The following STAR variants were observed in gnomAD, a reference collection of about 807,000 sequenced individuals.
The protein encoded by STAR is steroidogenic acute regulatory protein, mitochondrial.
A neutral mutation model predicts 32.3 loss-of-function variants in STAR; 32 were observed. That is an observed-to-expected ratio of 0.99 (90% CI 0.75 to 1.33). The LOEUF is 1.33. STAR is among the 40% of genes most tolerant of loss of function. The pLI is 0.00. For synonymous variants in STAR, 134 were observed against 140.5 expected (o/e 0.95, Z 0.33); for missense variants, 375 against 379.0 (o/e 0.99, Z 0.09).
rs1563266621 is a variant in STAR at position 38,142,720 on chromosome 8, G to A, written c.*1553C>T. ...ATTTTGTATTTTTAGTAGAGATGGG[G>A]TTTCTCCATGTTAGTCAGGCTGGTC... On this transcript the variant is annotated 3_prime_UTR_variant, in exon 7 of 7. Transcript: ENST00000276449. Among the ~76,000 whole-genome samples the A allele has an allele frequency of 6.6e-6, 1 of 151,850 alleles. No individual in the cohort carries two copies. Among genetic ancestry groups the A allele is most frequent in the Non-Finnish European group, 1.5e-5 (1 of 67,958 alleles).
chr8:38,148,807 A>G (rs1585627380), intron 1 of STAR, 53 bp from the exon 2 acceptor site: 2 of 1,304,280 alleles, frequency 1.5e-6, no homozygotes, highest in East Asian at 2.6e-5. Flanking sequence ...TTAGAGATGG[A>G]CCACTCCCAC....
At position 38,145,956 on chromosome 8, in the gene STAR, G is replaced by A. The variant is rs566068182; in HGVS notation, c.650+7C>T. On this transcript the variant is annotated splice_region_variant and intron_variant, in intron 5 of 6. Coordinates refer to ENST00000276449, the MANE Select transcript of STAR (RefSeq NM_000349.3). ...GAGGGGGGTTTGGAGCCTGCTGCCC[G>A]TATTACCTGATGACACCCTTCTGCT... is the stretch of plus-strand genomic sequence containing the variant. The A allele has an allele frequency of 4.1e-5, 66 of 1,613,322 alleles. No individual in the cohort carries two copies. Among genetic ancestry groups the A allele is most frequent in the South Asian group, 1.5e-4 (14 of 91,042 alleles).
rs1237961867 is a variant in STAR, at chr8:38,145,230, C to T, written c.736G>A (p.Asp246Asn). 4.3e-6 allele frequency: 7 copies of T among 1,614,090 alleles called. No individual in the cohort carries two copies. The highest frequency in any genetic ancestry group is 1.1e-5 in the South Asian group (1 of 91,074). ...CCTCCCATGCCCTTCACCTTGAGGTCGATGCTGAGTAGCCACGTAAGTTTG... is the reference window on the plus strand; with the variant it reads ...CCTCCCATGCCCTTCACCTTGAGGTTGATGCTGAGTAGCCACGTAAGTTTG... ...KTKLTWLLSI[D>N]LKGWLPKSII... is the part of the protein sequence containing the mutation. Residue 246 changes from aspartate (D) to asparagine (N), a missense_variant, in exon 6 of 7, where the codon GAC (aspartate) becomes AAC (asparagine). Coordinates refer to ENST00000276449, the MANE Select transcript of STAR (RefSeq NM_000349.3).
chr8:38,145,748 T>C, intron 5 of STAR: 2 of 639,902 alleles, frequency 3.1e-6, no homozygotes, highest in Admixed American at 2.9e-5. Flanking sequence ...TCTTAAACTT[T>C]CTGGGAGGGT....
intron 1 of STAR, among the ~76,000 whole-genome samples, chr8:38,150,021 G>A (rs1369763082): frequency 1.3e-5 from 2 of 151,896 alleles, no homozygotes; most frequent in African/African-American, 2.4e-5. Context: ...CCCAGGAGGC[G>A]GAGGTTGCAG....
chr8:38,145,883 G>T, intron 5 of STAR, 80 bp downstream of exon 5: 1 of 1,573,760 alleles, frequency 6.4e-7, no homozygotes, highest in Non-Finnish European at 8.7e-7. Flanking sequence ...TTGGAGCTGG[G>T]GATGCAGTCC....
At position 38,143,456 on chromosome 8, in the gene STAR, G is replaced by A. The variant is rs886062901; in HGVS notation, c.*817C>T. On this transcript the variant is annotated 3_prime_UTR_variant, in exon 7 of 7. Coordinates refer to ENST00000276449, the MANE Select transcript of STAR (RefSeq NM_000349.3). ...CAAGTAGCTACGACTACAGGTTTGC[G>A]CCACCACACCCAGCTAATTTTTTGT... 7.9e-5 allele frequency among the ~76,000 whole-genome samples: 12 copies of A among 152,010 alleles called. No individual in the cohort carries two copies. The highest frequency in any genetic ancestry group is 2.1e-4 in the South Asian group (1 of 4,822).
At chr8:38,144,487 G>C (rs1802527977) in intron 6 of STAR, 101 bp from the exon 7 acceptor site, 1 of 1,530,126 alleles carries the variant, frequency 6.5e-7, no homozygotes, top group African/African-American at 1.4e-5. Flanking sequence ...TGGTCTTCGA[G>C]CTCTGTTAAT....
Position 38,144,316 on chromosome 8 carries a change from C to T in STAR, c.815G>A (p.Arg272His), listed in dbSNP as rs540090187. The T allele has an allele frequency of 4.4e-5, 71 of 1,609,834 alleles. No homozygotes were observed. The highest frequency in any genetic ancestry group is 3.3e-5 in the South Asian group (3 of 90,016). Residue 272 changes from arginine (R) to histidine (H), a missense_variant, in exon 7 of 7, where the codon CGC becomes CAC. Transcript: ENST00000276449. ...QTQVDFANHL[R>H]KRLESHPASE... ...GGCAGGGTGGGACTCCAGGCGCTTGCGCAGGTGGTTGGCAAAATCCACCTG... is the reference window on the plus strand; with the variant it reads ...GGCAGGGTGGGACTCCAGGCGCTTGTGCAGGTGGTTGGCAAAATCCACCTG...
chr8:38,148,395 G>A, intron 2 of STAR, 68 bp from the exon 3 acceptor site: 1 of 1,603,580 alleles, frequency 6.2e-7, no homozygotes, highest in Non-Finnish European at 8.5e-7. Flanking sequence ...CTCATCCCTG[G>A]AGCTCTGGGT....
intron 5 of STAR, chr8:38,145,676 C>T (rs540642698): frequency 7.0e-6 from 4 of 568,172 alleles, no homozygotes; most frequent in East Asian, 6.1e-5. Flanking sequence ...TACATTACAG[C>T]TGTTCCTGAG....
chr8:38,144,971 T>TGTACTCCA (rs1173304692), intron 6 of STAR: 1 of 1,305,734 alleles, frequency 7.7e-7, no homozygotes, highest in Non-Finnish European at 9.8e-7. Flanking sequence ...ACCATGTCAT[T>TGTACTCCA]GTACTCCAGC....
intron 6 of STAR, 126 bp downstream of exon 6, chr8:38,145,096 C>T (rs1203976554): frequency 1.3e-6 from 2 of 1,542,466 alleles, no homozygotes; most frequent in Admixed American, 1.9e-5. Context: ...CCAGACCCTT[C>T]CCTGTCTTAC....
rs772404458 is a variant in STAR at position 38,150,811 on chromosome 8, A to G, written c.8T>C (p.Leu3Pro). 4 of 1,605,958 alleles carry G rather than the reference A, an allele frequency of 2.5e-6. No homozygotes were observed. In the African/African-American group the frequency reaches 4.0e-5, roughly 16 times the overall value. Residue 3 changes from leucine to proline, a missense_variant, in exon 1 of 7, where the codon CTA becomes CCA. Transcript: ENST00000276449. ML[L>P]ATFKLCAGSS... ...CCCAGCGCACAGCTTGAATGTCGCT[A>G]GCAGCATTGTTTCCTGGCAAATGTG...
chr8:38,148,119 C>G, intron 3 of STAR, 81 bp downstream of exon 3: 1 of 1,598,036 alleles, frequency 6.3e-7, no homozygotes, highest in Admixed American at 1.7e-5. Context: ...GACAGGAATT[C>G]TGGGAAAAAT....
intron 6 of STAR, chr8:38,144,664 G>A: frequency 1.6e-6 from 2 of 1,253,838 alleles, no homozygotes; most frequent in Admixed American, 6.8e-5. Flanking sequence ...TCAGATCTCT[G>A]GACCTAAGTT....
intron 1 of STAR, 55 bp from the exon 2 acceptor site, chr8:38,148,809 C>T (rs1802622317): frequency 6.1e-6 from 8 of 1,304,240 alleles, no homozygotes; most frequent in South Asian, 6.1e-5. Flanking sequence ...AGAGATGGAC[C>T]ACTCCCACCC....
At position 38,145,305 on chromosome 8, in the gene STAR, C is replaced by G; in HGVS notation, c.661G>C (p.Gly221Arg). The change falls in exon 6 of 7, where the codon GGT becomes CGT. Residue 221 changes from glycine to arginine, a missense_variant. Gly to Arg is a moderately radical substitution (Grantham distance 125). Coordinates refer to ENST00000276449, the MANE Select transcript of STAR (RefSeq NM_000349.3). ...EQKGVIRAEH[G>R]PTCMVLHPLA... ...GGGTGAAGCACCATGCAAGTGGGAC[C>G]GTGCTCCGCCCTGGCAAATGGAGAA... is the stretch of plus-strand genomic sequence containing the variant. 1 of 1,614,114 alleles carries G rather than the reference C, an allele frequency of 6.2e-7. No individual in the cohort carries two copies. The highest frequency in any genetic ancestry group is 8.5e-7 in the Non-Finnish European group (1 of 1,180,028).
rs758031518 is a variant in STAR, at chr8:38,145,228, G to T, written c.738C>A (p.Asp246Glu). Residue 246 changes from aspartate to glutamate, a missense_variant, in exon 6 of 7, where the codon GAC (aspartate) becomes GAA (glutamate). Asp to Glu is a conservative substitution (Grantham distance 45). Transcript: ENST00000276449. ...KTKLTWLLSIDLKGWLPKSII... is the reference protein window; with the variant it reads ...KTKLTWLLSIELKGWLPKSII... Reference sequence around the variant, plus strand: ...CCCCTCCCATGCCCTTCACCTTGAGGTCGATGCTGAGTAGCCACGTAAGTT... The same window carrying T: ...CCCCTCCCATGCCCTTCACCTTGAGTTCGATGCTGAGTAGCCACGTAAGTT... 3 of 1,613,992 alleles carry T rather than the reference G, an allele frequency of 1.9e-6. No individual in the cohort carries two copies. The African/African-American group carries it at 4.0e-5, about 22-fold the overall frequency.
Sources: gnomAD v4.1 joint callset for allele counts (sites outside exome capture counted in the v4.1 genomes callset) on GRCh38, gnomAD v4.1.1 for gene constraint, MANE v1.5 for transcripts, NCBI Gene and HGNC (gene_info 2026-07-23, HGNC 2026-07-21) for gene names.